The following PSD4 variants were observed in gnomAD, a reference collection of about 807,000 sequenced individuals.
The protein encoded by PSD4 is pleckstrin and Sec7 domain containing 4.
PSD4 carries 59 observed loss-of-function variants against 112.5 expected under a neutral mutation model. That is an observed-to-expected ratio of 0.52 (90% CI 0.43 to 0.65). PSD4 has a LOEUF of 0.65. PSD4 is among the 30% of genes least tolerant of loss of function. The probability of loss-of-function intolerance (pLI) is 0.00; values close to 1 mark genes in which losing one functional copy is unlikely to be tolerated. For missense variants in PSD4, 1,267 were observed against 1,352.6 expected, an observed-to-expected ratio of 0.94 and a Z score of 0.99; for synonymous variants, 533 against 540.0, an observed-to-expected ratio of 0.99 and a Z score of 0.18.
intron 5 of PSD4, among the ~76,000 whole-genome samples, chr2:113,187,585 A>G (rs1226012941): frequency 2.6e-5 from 4 of 152,170 alleles, no homozygotes; most frequent in Non-Finnish European, 5.9e-5. Context: ...GCCGACTCAG[A>G]ACCTCCCAGT....
chr2:113,188,409 A>C lies in PSD4; in HGVS notation c.1628+2154A>C, dbSNP rs1025814861. ...CAGGCGTGTGCCACCATGCCTGGCT[A>C]ATTTTTGTACTTTTAGTAGAGAGGG... On this transcript the variant is annotated intron_variant, in intron 5 of 16. Transcript: ENST00000245796. Among the ~76,000 whole-genome samples the C allele has an allele frequency of 5.3e-5, 8 of 150,766 alleles. No individual in the cohort carries two copies. The East Asian group carries it at 1.6e-3, about 30-fold the overall frequency.
Position 113,197,570 on chromosome 2 carries a change from G to T in PSD4, c.2393G>T (p.Trp798Leu), listed in dbSNP as rs1182539567. The T allele has an allele frequency of 6.8e-6, 11 of 1,614,224 alleles. No homozygotes were observed. Among genetic ancestry groups the T allele is most frequent in the Non-Finnish European group, 9.3e-6 (11 of 1,180,032 alleles). Reference protein sequence around the residue: ...HQDADGKKTPWGKRGWKMFHT... With the variant: ...HQDADGKKTPLGKRGWKMFHT... ...TGTTCTGTTCCTGGAACAGCGCCAT[G>T]GGGCAAGCGTGGCTGGAAGATGTTC... Residue 798 changes from tryptophan (W) to leucine (L), a missense_variant, in exon 13 of 17, where the codon TGG becomes TTG. Trp to Leu is a moderately conservative substitution (Grantham distance 61, BLOSUM62 -2). Around this residue, in one of 2 missense-constraint regions of PSD4, gnomAD observed 544 missense variants for 648.6 expected, o/e 0.84. Coordinates refer to ENST00000245796, the MANE Select transcript of PSD4 (RefSeq NM_012455.3).
rs757327605 is a variant in PSD4, at chr2:113,183,357, G to C, written c.901G>C (p.Glu301Gln). ...AGAAGACACAGTGCTGTGGGAGCTG[G>C]AAAGTGAGCCAGATTTGGGGGACGG... is the stretch of plus-strand genomic sequence containing the variant. ...LPEDTVLWEL[E>Q]SEPDLGDGAA... The change falls in exon 2 of 17, where the codon GAA becomes CAA. Residue 301 changes from glutamate (E) to glutamine (Q), a missense_variant. Glu to Gln is a conservative substitution (Grantham distance 29, BLOSUM62 2). This residue lies in a region of PSD4 where 723 missense variants were observed against 704.0 expected (regional missense o/e 1.03). Coordinates refer to ENST00000245796, the MANE Select transcript of PSD4 (RefSeq NM_012455.3). 17 of 1,588,090 alleles carry C rather than the reference G, an allele frequency of 1.1e-5. No individual in the cohort carries two copies. The highest frequency in any genetic ancestry group is 1.5e-5 in the Non-Finnish European group (17 of 1,166,126).
At chr2:113,196,589 C>A in intron 12 of PSD4, 1 of 332,232 alleles carries the variant, frequency 3.0e-6, no homozygotes, top group Non-Finnish European at 5.5e-6. Context: ...TCAATGTCTG[C>A]GAAAAAAATG....
intron 6 of PSD4, 35 bp downstream of exon 6, chr2:113,192,624 T>C (rs1380264236): frequency 1.2e-6 from 2 of 1,604,616 alleles, no homozygotes; most frequent in Non-Finnish European, 1.7e-6. Flanking sequence ...GGCTGGAGGC[T>C]GAGGCAGCCA....
chr2:113,201,318 A>G lies in PSD4; in HGVS notation c.3074A>G (p.Gln1025Arg). ...TCCCACTCGAGCCCGTCCCTGCACC[A>G]GGATGAGGCTCCCACCACGGCCAAG... is the stretch of plus-strand genomic sequence containing the variant. ...KKSHSSPSLH[Q>R]DEAPTTAKVK... The change falls in exon 17 of 17, where the codon CAG (glutamine) becomes CGG (arginine). Residue 1025 changes from glutamine to arginine, a missense_variant. Gln to Arg is a conservative substitution (Grantham distance 43, BLOSUM62 1). Around this residue, in one of 2 missense-constraint regions of PSD4, gnomAD observed 544 missense variants for 648.6 expected, o/e 0.84. Transcript: ENST00000245796. 6.2e-7 allele frequency: 1 copy of G among 1,614,226 alleles called. No homozygotes were observed.
In PSD4 at chr2:113,182,733, G is replaced by A. The variant is rs1688178755; in HGVS notation, c.277G>A (p.Ala93Thr). ...GLEPCQEQTR[A>T]TDPPESTRQD... ...GGAGCCTTGCCAGGAGCAAACCCGG[G>A]CCACTGACCCTCCTGAATCTACCAG... The change falls in exon 2 of 17, where the codon GCC becomes ACC. Residue 93 changes from alanine to threonine, a missense_variant. By Grantham distance (58) the Ala-to-Thr change is moderately conservative (BLOSUM62 0). Transcript: ENST00000245796. 1.3e-6 allele frequency: 2 copies of A among 1,599,428 alleles called. No individual in the cohort carries two copies. Among genetic ancestry groups the A allele is most frequent in the Non-Finnish European group, 8.5e-7 (1 of 1,171,126 alleles).
rs1200915452 is a variant in PSD4 at position 113,207,888 on chromosome 2, CTA to C, written c.*6475_*6476del. On this transcript the variant is annotated 3_prime_UTR_variant, in exon 17 of 17. Transcript: ENST00000245796. ...AGTCGAAAGAATGCACATCTCAAAA[CTA>C]TGTCCTGGTTCTTTTTCTACTTTCT... The C allele has an allele frequency of 6.6e-6, 1 of 152,168 alleles. No homozygotes were observed. Among genetic ancestry groups the C allele is most frequent in the Non-Finnish European group, 1.5e-5 (1 of 68,030 alleles). 9.4% of individuals were successfully genotyped at this position (152,168 alleles called of 1,614,324 possible). A position where few individuals can be genotyped will look rare whatever the true frequency, so the allele number is the denominator to read the frequency against.
chr2:113,197,644 G>A lies in PSD4; in HGVS notation c.2457+10G>A. 1 of 1,614,190 alleles carries A rather than the reference G, an allele frequency of 6.2e-7. No individual in the cohort carries two copies. The highest frequency in any genetic ancestry group is 1.7e-5 in the Admixed American group (1 of 60,026). On this transcript the variant is annotated intron_variant, in intron 13 of 16. Coordinates refer to ENST00000245796, the MANE Select transcript of PSD4 (RefSeq NM_012455.3). ...TCTCTACTTCCTGAAGGTAGGAAAG[G>A]AGCCAACACCCCTGTCAGAATGGGA...
At chr2:113,194,325 T>G (rs1688538294) in intron 10 of PSD4, among the ~76,000 whole-genome samples, 1 of 152,192 alleles carries the variant, frequency 6.6e-6, no homozygotes, top group African/African-American at 2.4e-5. Flanking sequence ...GGGTTTGAAT[T>G]CTAGTCTTGG....
In PSD4 at chr2:113,193,734, G is replaced by T. The variant is rs569521000; in HGVS notation, c.2091+84G>T. The T allele has an allele frequency of 3.8e-6, 6 of 1,560,456 alleles. No individual in the cohort carries two copies. The East Asian group carries it at 1.3e-4, about 35-fold the overall frequency. ...GAGAAGACCAGAGGCCTGAGACCGG[G>T]CAGGGAACACCCCTGAGGGATGTGG... On this transcript the variant is annotated intron_variant, in intron 9 of 16. Coordinates refer to ENST00000245796, the MANE Select transcript of PSD4 (RefSeq NM_012455.3).
At chr2:113,196,684 G>C (rs771352668) in intron 12 of PSD4, 5 of 181,860 alleles carry the variant, frequency 2.7e-5, no homozygotes, top group Non-Finnish European at 5.9e-5. Flanking sequence ...TGTGGCTACA[G>C]GGAGAGGTAA....
At chr2:113,191,082 G>A (rs1019388547) in intron 5 of PSD4, among the ~76,000 whole-genome samples, 1 of 152,240 alleles carries the variant, frequency 6.6e-6, no homozygotes, top group Non-Finnish European at 1.5e-5. Flanking sequence ...ACCTCTCCAC[G>A]GGGCAGCCTA....
At chr2:113,178,258 C>A (rs1374257082) in intron 1 of PSD4, among the ~76,000 whole-genome samples, 1 of 151,934 alleles carries the variant, frequency 6.6e-6, no homozygotes, top group Non-Finnish European at 1.5e-5. Context: ...TGCCTTGTCC[C>A]CACTGAATAC....
In PSD4 at chr2:113,182,771, T is replaced by A. The variant is rs1688180478; in HGVS notation, c.315T>A (p.Pro105=). ...DPPESTRQDA[P]PWGSGVELTH... ...CTGAATCTACCAGACAAGATGCTCC[T>A]CCCTGGGGCTCCGGTGTGGAGCTCA... is the stretch of plus-strand genomic sequence containing the variant. The change falls in exon 2 of 17, where the codon CCT becomes CCA. Residue 105 remains proline, a synonymous_variant. Coordinates refer to ENST00000245796, the MANE Select transcript of PSD4 (RefSeq NM_012455.3). 1 of 1,593,586 alleles carries A rather than the reference T, an allele frequency of 6.3e-7. No homozygotes were observed. The highest frequency in any genetic ancestry group is 1.3e-5 in the African/African-American group (1 of 74,430).
In PSD4 at chr2:113,192,542, C is replaced by A. The variant is rs1030492070; in HGVS notation, c.1791C>A (p.Arg597=). ...VAWNLASRLY[R]LEGFRKSEVA... ...GGAACTTGGCCTCACGCCTCTATCG[C>A]CTGGAGGGCTTCCGGAAGTCTGAAG... The change falls in exon 6 of 17, where the codon CGC becomes CGA. Residue 597 remains arginine, a synonymous_variant. Coordinates refer to ENST00000245796, the MANE Select transcript of PSD4 (RefSeq NM_012455.3). 1.2e-6 allele frequency: 2 copies of A among 1,614,084 alleles called. No homozygotes were observed. The highest frequency in any genetic ancestry group is 2.7e-5 in the African/African-American group (2 of 74,938).
rs1461104289 is a variant in PSD4, at chr2:113,208,338, G to T, written c.*6923G>T. ...GAATTTCAGACCTGGAATTCTAACT[G>T]TCCACAATACATGGCTCCTCAATAT... On this transcript the variant is annotated 3_prime_UTR_variant, in exon 17 of 17. Coordinates refer to ENST00000245796, the MANE Select transcript of PSD4 (RefSeq NM_012455.3). 5 of 152,284 alleles carry T rather than the reference G, an allele frequency of 3.3e-5. No individual in the cohort carries two copies. The highest frequency in any genetic ancestry group is 3.3e-4 in the Admixed American group (5 of 15,290). 9.4% of individuals were successfully genotyped at this position (152,284 alleles called of 1,614,324 possible).
At chr2:113,195,024 G>A (rs1558653305) in intron 10 of PSD4, among the ~76,000 whole-genome samples, 3 of 152,162 alleles carry the variant, frequency 2.0e-5, no homozygotes, top group Non-Finnish European at 4.4e-5. Context: ...CATTTATTGT[G>A]GGGATTGGTC....
chr2:113,195,841 A>C, intron 11 of PSD4, 71 bp downstream of exon 11: 1 of 1,584,988 alleles, frequency 6.3e-7, no homozygotes, highest in African/African-American at 1.3e-5. Context: ...TCCCTCTGTC[A>C]CCCACCCGAG....
Sources: allele counts gnomAD v4.1 joint callset (sites outside exome capture counted in the v4.1 genomes callset), GRCh38; gene constraint gnomAD v4.1.1; regional missense constraint gnomAD v4.1.1; transcripts MANE v1.5; gene names NCBI Gene and HGNC (gene_info 2026-07-23, HGNC 2026-07-21).